Variants in FUT9 observed in about 807,000 individuals in gnomAD.
The protein encoded by FUT9 is 4-galactosyl-N-acetylglucosaminide 3-alpha-L-fucosyltransferase 9.
A neutral mutation model predicts 29.7 loss-of-function variants in FUT9; 15 were observed. The observed-to-expected ratio is 0.51, with a 90% CI of 0.34 to 0.78. The LOEUF (loss-of-function observed/expected upper bound fraction) is 0.78, where lower values mean the gene tolerates loss of function less well. Ranked by LOEUF, FUT9 falls within the 30% of genes least tolerant of loss-of-function variation. The pLI is 0.01. For missense variants in FUT9, 319 were observed against 425.4 expected (o/e 0.75, Z 2.20); for synonymous variants, 169 against 153.7 (o/e 1.10, Z -0.74).
chr6:96,119,983 G>T (rs1334882483), intron 2 of FUT9, among the ~76,000 whole-genome samples: 1 of 152,086 alleles, frequency 6.6e-6, no homozygotes, highest in African/African-American at 2.4e-5. Context: ...AGTATAGTAG[G>T]TATAGGAGGC....
intron 2 of FUT9, among the ~76,000 whole-genome samples, chr6:96,191,480 G>C (rs1773507638): frequency 6.6e-6 from 1 of 152,116 alleles, no homozygotes; most frequent in Non-Finnish European, 1.5e-5. Flanking sequence ...AGAAAATCTA[G>C]AAGAAATGGA....
intron 1 of FUT9, among the ~76,000 whole-genome samples, chr6:96,057,860 T>C (rs1447368907): frequency 1.3e-5 from 2 of 152,218 alleles, no homozygotes; most frequent in Admixed American, 6.5e-5. Context: ...ACTATTTATA[T>C]ATACTAGACA....
intron 1 of FUT9, among the ~76,000 whole-genome samples, chr6:96,027,214 T>C (rs1001542943): frequency 1.3e-4 from 19 of 151,744 alleles, no homozygotes; most frequent in African/African-American, 4.3e-4. Flanking sequence ...CTTTTAGACA[T>C]TGAAGAGAGC....
intron 1 of FUT9, among the ~76,000 whole-genome samples, chr6:96,021,745 T>G (rs1351453577): frequency 6.6e-6 from 1 of 152,052 alleles, no homozygotes; most frequent in Non-Finnish European, 1.5e-5. Flanking sequence ...AGCATTTAAA[T>G]AATACGTATT....
At position 96,215,252 on chromosome 6, in the gene FUT9, T is replaced by A. The variant is rs574108037; in HGVS notation, c.*11017T>A. On this transcript the variant is annotated 3_prime_UTR_variant, in exon 3 of 3. Transcript: ENST00000302103. ...TCCACAAATTAAACTGGAGATGTCATTTGAAATTTTCTTCCCTTAAACATG... is the reference window on the plus strand; with the variant it reads ...TCCACAAATTAAACTGGAGATGTCAATTGAAATTTTCTTCCCTTAAACATG... 6.0e-6 allele frequency: 1 copy of A among 167,162 alleles called. No homozygotes were observed. The highest frequency in any genetic ancestry group is 2.1e-4 in the South Asian group (1 of 4,830). The allele number at this position is 167,162 out of a possible 1,614,324, so 10.4% of individuals were successfully genotyped here.
chr6:96,210,464 T>A lies in FUT9; in HGVS notation c.*6229T>A, dbSNP rs776999284. The A allele has an allele frequency of 3.6e-5, 6 of 166,742 alleles. No homozygotes were observed. Among genetic ancestry groups the A allele is most frequent in the Admixed American group, 6.6e-5 (1 of 15,222 alleles). 10.3% of individuals were successfully genotyped at this position (166,742 alleles called of 1,614,324 possible). On this transcript the variant is annotated 3_prime_UTR_variant, in exon 3 of 3. Transcript: ENST00000302103. Reference sequence around the variant, plus strand: ...CCAAACCCCACCTCCAGAGAGCTGATCTATTTAGTTTGAGGAAGAGCCCAG... The same window carrying A: ...CCAAACCCCACCTCCAGAGAGCTGAACTATTTAGTTTGAGGAAGAGCCCAG...
chr6:96,055,695 T>C (rs1489897018), intron 1 of FUT9, among the ~76,000 whole-genome samples: 1 of 116,374 alleles, frequency 8.6e-6, no homozygotes, highest in Non-Finnish European at 1.8e-5. Flanking sequence ...TGTTTTTGTT[T>C]TCTATTTCTT....
At chr6:96,083,682 T>C (rs1254298698) in intron 1 of FUT9, among the ~76,000 whole-genome samples, 1 of 152,092 alleles carries the variant, frequency 6.6e-6, no homozygotes, top group Non-Finnish European at 1.5e-5. Context: ...GCTCTGCTTC[T>C]CTTGAGTTAC....
At chr6:96,169,035 G>T (rs373487007) in intron 2 of FUT9, among the ~76,000 whole-genome samples, 4 of 152,160 alleles carry the variant, frequency 2.6e-5, no homozygotes, top group African/African-American at 7.2e-5. Context: ...GTGGGTTGAC[G>T]TTCTGTTCTT....
At chr6:96,140,952 T>A (rs1014955048) in intron 2 of FUT9, among the ~76,000 whole-genome samples, 1 of 152,236 alleles carries the variant, frequency 6.6e-6, no homozygotes, top group Non-Finnish European at 1.5e-5. Flanking sequence ...TTTTATGTTA[T>A]ATTGACCTTA....
intron 2 of FUT9, among the ~76,000 whole-genome samples, chr6:96,129,133 C>T (rs1036080610): frequency 1.0e-4 from 15 of 150,128 alleles, no homozygotes; most frequent in Admixed American, 3.3e-4. Context: ...GGCGTGGTGG[C>T]GGGCGCCTGT....
At chr6:96,128,157 A>T (rs2127967815) in intron 2 of FUT9, among the ~76,000 whole-genome samples, 1 of 152,254 alleles carries the variant, frequency 6.6e-6, no homozygotes, top group Admixed American at 6.5e-5. Flanking sequence ...TAATTATCAA[A>T]ACTTCAGTAT....
chr6:96,061,577 C>T (rs1770875270), intron 1 of FUT9, among the ~76,000 whole-genome samples: 1 of 151,834 alleles, frequency 6.6e-6, no homozygotes, highest in African/African-American at 2.4e-5. Context: ...TATGCAAAGT[C>T]TCATGGAATT....
Position 96,214,381 on chromosome 6 carries a change from CAT to C in FUT9, c.*10148_*10149del, listed in dbSNP as rs1773996988. ...TGCACAACACTAAATTGGGCAATAA[CAT>C]AGAACATCTAGGCAGTCTTGACAGT... On this transcript the variant is annotated 3_prime_UTR_variant, in exon 3 of 3. Coordinates refer to ENST00000302103, the MANE Select transcript of FUT9 (RefSeq NM_006581.4). 6.0e-6 allele frequency: 1 copy of C among 166,920 alleles called. No individual in the cohort carries two copies. Among genetic ancestry groups the C allele is most frequent in the Non-Finnish European group, 1.5e-5 (1 of 68,046 alleles). 10.3% of individuals were successfully genotyped at this position (166,920 alleles called of 1,614,324 possible).
intron 1 of FUT9, among the ~76,000 whole-genome samples, chr6:96,064,772 C>T (rs552835487): frequency 6.6e-6 from 1 of 152,058 alleles, no homozygotes; most frequent in Non-Finnish European, 1.5e-5. Flanking sequence ...CACACACACG[C>T]AAACACACAT....
chr6:96,128,523 GTT>G (rs970498532), intron 2 of FUT9, among the ~76,000 whole-genome samples: 2 of 152,128 alleles, frequency 1.3e-5, no homozygotes, highest in Admixed American at 1.3e-4. Context: ...GGTGAAGCAA[GTT>G]GGACCCTTTT....
intron 2 of FUT9, among the ~76,000 whole-genome samples, chr6:96,193,955 G>A (rs1037951944): frequency 3.9e-5 from 6 of 152,018 alleles, no homozygotes; most frequent in East Asian, 1.9e-4. Context: ...TCGCAAGGGC[G>A]AAAAACCAAA....
intron 2 of FUT9, among the ~76,000 whole-genome samples, chr6:96,164,250 G>GTT (rs372685063): frequency 3.3e-3 from 226 of 69,276 alleles, no homozygotes; most frequent in African/African-American, 0.011. Flanking sequence ...GGAGATCCAG[G>GTT]TTCTTTTTTT....
chr6:96,037,118 A>C (rs1770377222), intron 1 of FUT9: 1 of 151,988 alleles, frequency 6.6e-6, no homozygotes. Context: ...TAAATGCAAA[A>C]TTTTATATGT....
Sources: gnomAD v4.1 joint callset for allele counts (sites outside exome capture counted in the v4.1 genomes callset) on GRCh38, gnomAD v4.1.1 for gene constraint, MANE v1.5 for transcripts, NCBI Gene and HGNC (gene_info 2026-07-23, HGNC 2026-07-21) for gene names.